NRCAM: variants seen among roughly 807,000 people sequenced by gnomAD.
The protein encoded by NRCAM is NgCAM-related cell adhesion molecule.
In NRCAM, 83 loss-of-function variants were observed where a neutral mutation model predicts 156.5. The ratio of observed to expected loss-of-function variants is 0.53; its 90% CI spans 0.44 to 0.64. The LOEUF (loss-of-function observed/expected upper bound fraction) is 0.64. Ranked by LOEUF, NRCAM falls within the 30% of genes least tolerant of loss-of-function variation. NRCAM has a pLI of 0.00. For missense variants in NRCAM, 1,417 were observed against 1,597.3 expected (o/e 0.89, Z 1.92); for synonymous variants, 538 against 563.9 (o/e 0.95, Z 0.65).
intron 2 of NRCAM, among the ~76,000 whole-genome samples, chr7:108,340,694 T>C (rs2099266535): frequency 6.6e-6 from 1 of 152,158 alleles, no homozygotes; most frequent in Non-Finnish European, 1.5e-5. Context: ...AAAAAGCCCA[T>C]GAATTATTCA....
chr7:108,174,122 G>A (rs1235783844), intron 28 of NRCAM, among the ~76,000 whole-genome samples: 1 of 152,180 alleles, frequency 6.6e-6, no homozygotes, highest in Non-Finnish European at 1.5e-5. Flanking sequence ...ATCATAGGAA[G>A]GAAGTATACA....
intron 3 of NRCAM, among the ~76,000 whole-genome samples, chr7:108,281,224 T>C (rs867178840): frequency 3.3e-5 from 5 of 152,184 alleles, no homozygotes; most frequent in African/African-American, 1.2e-4. Context: ...AATTATATAG[T>C]TGTTTACATA....
At chr7:108,284,849 G>C (rs568627691) in intron 3 of NRCAM, among the ~76,000 whole-genome samples, 3 of 152,300 alleles carry the variant, frequency 2.0e-5, no homozygotes, top group African/African-American at 7.2e-5. Flanking sequence ...GGGAGGGCAG[G>C]ACACACTTCT....
chr7:108,281,516 G>T (rs892606641), intron 3 of NRCAM, among the ~76,000 whole-genome samples: 2 of 152,328 alleles, frequency 1.3e-5, no homozygotes, highest in South Asian at 4.1e-4. Flanking sequence ...AATCAAAAAG[G>T]TTTCATGGCA....
At chr7:108,346,457 C>A (rs2099355127) in intron 2 of NRCAM, among the ~76,000 whole-genome samples, 1 of 152,180 alleles carries the variant, frequency 6.6e-6, no homozygotes, top group Admixed American at 6.5e-5. Context: ...ATTCTGTCAT[C>A]ATGCATTACT....
chr7:108,418,305 C>T (rs1804329078), intron 1 of NRCAM, among the ~76,000 whole-genome samples: 1 of 152,108 alleles, frequency 6.6e-6, no homozygotes, highest in African/African-American at 2.4e-5. Flanking sequence ...CTATGAAGCA[C>T]ACAATATCAA....
rs74469937 is a variant in NRCAM at position 108,362,377 on chromosome 7, G to A, written c.-174+37059C>T. 1.2e-4 allele frequency among the ~76,000 whole-genome samples: 19 copies of A among 152,232 alleles called. No homozygotes were observed. In the East Asian group the frequency reaches 3.7e-3, roughly 29 times the overall value. On this transcript the variant is annotated intron_variant, in intron 2 of 32. Coordinates refer to ENST00000379028, the MANE Select transcript of NRCAM (RefSeq NM_001037132.4). ...CCTGAGGGTTCAGATTTCAACATAT[G>A]AATTTTGAGGAACATAAACATTCAG...
rs141756969 is a variant in NRCAM, at chr7:108,434,541, TACACAC to T, written c.-332+21696_-332+21701del. ...CTACATACCCATGGCCAATGGAATG[TACACAC>T]ACACACACACACACACACACACACA... On this transcript the variant is annotated intron_variant, in intron 1 of 32. Coordinates refer to ENST00000379028, the MANE Select transcript of NRCAM (RefSeq NM_001037132.4). 4.8e-3 allele frequency among the ~76,000 whole-genome samples: 679 copies of T among 141,238 alleles called. 1 individual carries two copies. The highest frequency in any genetic ancestry group is 7.1e-3 in the Middle Eastern group (2 of 280). The allele number at this position is 141,238 out of a possible 152,430, so 92.7% of individuals were successfully genotyped here.
At chr7:108,258,364 C>T (rs1326981884) in intron 3 of NRCAM, among the ~76,000 whole-genome samples, 2 of 152,236 alleles carry the variant, frequency 1.3e-5, no homozygotes, top group Non-Finnish European at 2.9e-5. Flanking sequence ...ACTTCCTTCT[C>T]TTTCCAGCTT....
chr7:108,375,853 A>G (rs1311633016), intron 2 of NRCAM, among the ~76,000 whole-genome samples: 2 of 152,226 alleles, frequency 1.3e-5, no homozygotes, highest in East Asian at 3.8e-4. Context: ...GTGAACTGAA[A>G]TAGCTAAAGG....
intron 3 of NRCAM, among the ~76,000 whole-genome samples, chr7:108,267,583 A>G (rs1155): frequency 6.6e-6 from 1 of 152,076 alleles, no homozygotes; most frequent in Admixed American, 6.5e-5. Context: ...TTAAAATTTC[A>G]CACATTTTTT....
chr7:108,330,221 A>G (rs2099112931), intron 2 of NRCAM, among the ~76,000 whole-genome samples: 1 of 152,234 alleles, frequency 6.6e-6, no homozygotes, highest in Non-Finnish European at 1.5e-5. Flanking sequence ...ATGTTAACAT[A>G]ACCTTTTCTT....
intron 1 of NRCAM, among the ~76,000 whole-genome samples, chr7:108,428,130 G>A (rs1019597076): frequency 6.6e-6 from 1 of 152,060 alleles, no homozygotes; most frequent in African/African-American, 2.4e-5. Context: ...AAATAGAAAT[G>A]ATATAAAAAT....
chr7:108,303,118 C>T (rs1400367677), intron 3 of NRCAM, among the ~76,000 whole-genome samples: 2 of 152,200 alleles, frequency 1.3e-5, no homozygotes, highest in South Asian at 4.1e-4. Flanking sequence ...CGTGCCACCA[C>T]GCCCAGGTAA....
chr7:108,182,104 A>ATTT (rs5886443), intron 23 of NRCAM, among the ~76,000 whole-genome samples, 167 bp from the exon 24 acceptor site: 1 of 150,226 alleles, frequency 6.7e-6, no homozygotes, highest in Non-Finnish European at 1.5e-5. Flanking sequence ...TTTGTGAGAG[A>ATTT]TTTTTTTTTT....
At chr7:108,345,552 A>T (rs1376879434) in intron 2 of NRCAM, among the ~76,000 whole-genome samples, 2 of 152,202 alleles carry the variant, frequency 1.3e-5, no homozygotes, top group Non-Finnish European at 2.9e-5. Context: ...GATAGTATTC[A>T]GAGGAGCAGC....
intron 28 of NRCAM, among the ~76,000 whole-genome samples, chr7:108,175,034 C>T (rs1049233267): frequency 1.3e-5 from 2 of 152,178 alleles, no homozygotes; most frequent in African/African-American, 4.8e-5. Context: ...GTGACAAATA[C>T]ACAGTTTTGG....
At chr7:108,232,179 G>A (rs2094423181) in intron 7 of NRCAM, 147 bp downstream of exon 7, 2 of 589,594 alleles carry the variant, frequency 3.4e-6, no homozygotes, top group East Asian at 3.0e-5. Context: ...AAGGTGGAAA[G>A]GAGCAATAAC....
chr7:108,312,245 T>G (rs990335494), intron 3 of NRCAM, among the ~76,000 whole-genome samples: 1 of 152,202 alleles, frequency 6.6e-6, no homozygotes, highest in Non-Finnish European at 1.5e-5. Context: ...AAATCACTAA[T>G]GGATGGTATA....
Sources: gnomAD v4.1 joint callset for allele counts (sites outside exome capture counted in the v4.1 genomes callset) on GRCh38, gnomAD v4.1.1 for gene constraint, MANE v1.5 for transcripts, NCBI Gene and HGNC (gene_info 2026-07-23, HGNC 2026-07-21) for gene names.